The following SEMA6A variants were observed in gnomAD, a reference collection of about 807,000 sequenced individuals.
SEMA6A encodes the protein semaphorin-6A.
A neutral mutation model predicts 96.8 loss-of-function variants in SEMA6A; 25 were observed. The ratio of observed to expected loss-of-function variants is 0.26; its 90% confidence interval spans 0.19 to 0.36. The LOEUF (loss-of-function observed/expected upper bound fraction) is 0.36, where lower values mean the gene tolerates loss of function less well. Ranked by LOEUF, SEMA6A falls within the 10% of genes least tolerant of loss-of-function variation. SEMA6A has a pLI of 1.00. For missense variants in SEMA6A, 1,363 were observed against 1,323.1 expected (o/e 1.03, Z -0.47); for synonymous variants, 612 against 518.0 (o/e 1.18, Z -2.46).
At chr5:116,511,093 A>G (rs1392499031) in intron 1 of SEMA6A, among the ~76,000 whole-genome samples, 1 of 152,178 alleles carries the variant, frequency 6.6e-6, no homozygotes. Context: ...TCTGTGAGGG[A>G]TTGGTCCCAG....
At chr5:116,531,727 C>T (rs1279679127) in intron 1 of SEMA6A, among the ~76,000 whole-genome samples, 1 of 152,140 alleles carries the variant, frequency 6.6e-6, no homozygotes, top group Non-Finnish European at 1.5e-5. Context: ...TAAACCTTTT[C>T]CACCAGTTTT....
At position 116,444,837 on chromosome 5, in the gene SEMA6A, G is replaced by A. The variant is rs1754086881; in HGVS notation, c.*1776C>T. ...ACGTGTGTGCTGTGCACATGGCTTG[G>A]AGACTCCTCCCAGGTGTCTGCCCAA... On this transcript the variant is annotated 3_prime_UTR_variant, in exon 19 of 19. Transcript: ENST00000343348. 6.6e-6 allele frequency: 1 copy of A among 152,382 alleles called. No homozygotes were observed. Among genetic ancestry groups the A allele is most frequent in the Non-Finnish European group, 1.5e-5 (1 of 68,048 alleles). The allele number at this position is 152,382 out of a possible 1,614,324, so 9.4% of individuals were successfully genotyped here.
intron 18 of SEMA6A, among the ~76,000 whole-genome samples, chr5:116,462,005 A>G (rs1238523939): frequency 6.6e-6 from 1 of 152,200 alleles, no homozygotes; most frequent in Non-Finnish European, 1.5e-5. Context: ...AGAGTCAGGA[A>G]AAGAGGAGAG....
rs766321924 is a variant in SEMA6A at position 116,478,007 on chromosome 5, T to G, written c.1568+7A>C. 1.7e-5 allele frequency: 27 copies of G among 1,613,772 alleles called. No homozygotes were observed. The South Asian group carries it at 2.6e-4, about 16-fold the overall frequency. On this transcript the variant is annotated splice_region_variant and intron_variant, in intron 14 of 18. Transcript: ENST00000343348. Reference sequence around the variant, plus strand: ...CTTTCTAATTGTCAATGAGGCAAAATACATACTTTTTACACTTCCCATGTC... The same window carrying G: ...CTTTCTAATTGTCAATGAGGCAAAAGACATACTTTTTACACTTCCCATGTC...
intron 1 of SEMA6A, among the ~76,000 whole-genome samples, chr5:116,562,200 C>G (rs1318622040): frequency 1.3e-5 from 2 of 152,136 alleles, no homozygotes; most frequent in African/African-American, 4.8e-5. Context: ...TATTACGAAT[C>G]AATTTAATTT....
intron 10 of SEMA6A, among the ~76,000 whole-genome samples, chr5:116,484,000 G>A (rs1452474090): frequency 6.6e-6 from 1 of 150,690 alleles, no homozygotes; most frequent in Non-Finnish European, 1.5e-5. Flanking sequence ...GGAAGTGGAG[G>A]TTGCAGTGAG....
At chr5:116,503,854 C>T (rs1376985664) in intron 2 of SEMA6A, among the ~76,000 whole-genome samples, 1 of 152,190 alleles carries the variant, frequency 6.6e-6, no homozygotes, top group Non-Finnish European at 1.5e-5. Flanking sequence ...AGACAGAAAA[C>T]TTACCTCAAA....
intron 6 of SEMA6A, among the ~76,000 whole-genome samples, chr5:116,494,164 T>C (rs147908102): frequency 1.3e-5 from 2 of 152,330 alleles, no homozygotes; most frequent in East Asian, 3.9e-4. Context: ...ATCTCCAGTT[T>C]TTTCTGTTAA....
chr5:116,487,009 T>C lies in SEMA6A; in HGVS notation c.745-43A>G, dbSNP rs1254259244. Reference sequence around the variant, plus strand: ...ATAGGGAAAATTAAATGCATTCATTTTGCAAGGAGATCTTAGTAGAATCTG... The same window carrying C: ...ATAGGGAAAATTAAATGCATTCATTCTGCAAGGAGATCTTAGTAGAATCTG... On this transcript the variant is annotated intron_variant, in intron 9 of 18. Transcript: ENST00000343348. 4.2e-6 allele frequency: 6 copies of C among 1,417,468 alleles called. No homozygotes were observed. The Admixed American group carries it at 6.7e-5, about 16-fold the overall frequency. 87.8% of individuals were successfully genotyped at this position (1,417,468 alleles called of 1,614,324 possible). A position where few individuals can be genotyped will look rare whatever the true frequency, so the allele number is the denominator to read the frequency against.
Position 116,491,755 on chromosome 5 carries a change from C to CGTTT in SEMA6A, c.519_520insAAAC (p.Val174LysfsTer17). ...GGTCGCTTACCTGCAAACAGTGCAACGTTGGCATGTTTGGCATCATATGGG... is the reference window on the plus strand; with the variant it reads ...GGTCGCTTACCTGCAAACAGTGCAACGTTTGTTGGCATGTTTGGCATCATATGGG... On this transcript the variant is annotated frameshift_variant, in exon 7 of 19. Coordinates refer to ENST00000343348, the MANE Select transcript of SEMA6A (RefSeq NM_020796.5). LOFTEE classifies it high-confidence loss of function. 1 of 1,613,594 alleles carries CGTTT rather than the reference C, an allele frequency of 6.2e-7. No individual in the cohort carries two copies. The highest frequency in any genetic ancestry group is 8.5e-7 in the Non-Finnish European group (1 of 1,179,566).
intron 1 of SEMA6A, among the ~76,000 whole-genome samples, chr5:116,519,938 C>T (rs1758856742): frequency 6.6e-6 from 1 of 152,172 alleles, no homozygotes; most frequent in Admixed American, 6.5e-5. Flanking sequence ...CTCCACACAG[C>T]AATCAATGGT....
intron 13 of SEMA6A, 74 bp from the exon 14 acceptor site, chr5:116,478,228 TC>T: frequency 6.6e-7 from 1 of 1,525,592 alleles, no homozygotes; most frequent in Non-Finnish European, 8.9e-7. Flanking sequence ...ACATCCCACT[TC>T]CCAGCCCACA....
At chr5:116,466,899 A>G (rs1755793666) in intron 18 of SEMA6A, among the ~76,000 whole-genome samples, 1 of 152,236 alleles carries the variant, frequency 6.6e-6, no homozygotes, top group Non-Finnish European at 1.5e-5. Context: ...TGGCAAGAAA[A>G]GAGATGACAT....
chr5:116,471,044 A>T (rs1756104640), intron 17 of SEMA6A: 1 of 152,202 alleles, frequency 6.6e-6, no homozygotes, highest in Non-Finnish European at 1.5e-5. Flanking sequence ...GGTTTATTTT[A>T]AAAAGTTGCC....
intron 17 of SEMA6A, chr5:116,468,588 T>TA (rs1383363198): frequency 2.0e-5 from 3 of 152,246 alleles, no homozygotes; most frequent in Non-Finnish European, 2.9e-5. Flanking sequence ...GCAGAAACTC[T>TA]AGCCATTTCC....
intron 1 of SEMA6A, among the ~76,000 whole-genome samples, chr5:116,514,028 C>A (rs897867317): frequency 2.0e-5 from 3 of 152,160 alleles, no homozygotes; most frequent in African/African-American, 7.2e-5. Flanking sequence ...TAGTCTATCA[C>A]TGATGGGCAT....
In SEMA6A at chr5:116,514,410, T is replaced by G. The variant is rs551935051; in HGVS notation, c.-38-9428A>C. Among the ~76,000 whole-genome samples the G allele has an allele frequency of 1.2e-3, 189 of 152,318 alleles. 2 individuals carry two copies. The highest frequency in any genetic ancestry group is 4.1e-3 in the African/African-American group (171 of 41,574). The stretch of plus-strand genomic sequence containing the variant: ...GCTTTCTTCCATGTTGCTGGCCACA[T>G]GTATGTCTTCTTTGAGAAGTGTCTG... On this transcript the variant is annotated intron_variant, in intron 1 of 18. Transcript: ENST00000343348.
chr5:116,455,735 A>G (rs1218328225), intron 18 of SEMA6A, among the ~76,000 whole-genome samples: 1 of 152,210 alleles, frequency 6.6e-6, no homozygotes, highest in Non-Finnish European at 1.5e-5. Flanking sequence ...TTTTCTAGAA[A>G]TGTAGTTCTT....
intron 1 of SEMA6A, among the ~76,000 whole-genome samples, chr5:116,549,911 A>C (rs1257624239): frequency 6.6e-6 from 1 of 152,176 alleles, no homozygotes; most frequent in Non-Finnish European, 1.5e-5. Flanking sequence ...CACGGCACAC[A>C]TTCCATTCAA....
Sources: gnomAD v4.1 joint callset for allele counts (sites outside exome capture counted in the v4.1 genomes callset) on GRCh38, gnomAD v4.1.1 for gene constraint, MANE v1.5 for transcripts, NCBI Gene and HGNC (gene_info 2026-07-23, HGNC 2026-07-21) for gene names.